The following FGF14 variants were observed in gnomAD, a reference collection of about 807,000 sequenced individuals.
The protein encoded by FGF14 is fibroblast growth factor homologous factor 4.
In FGF14, 5 loss-of-function variants were observed where a neutral mutation model predicts 25.5. The observed-to-expected ratio is 0.20, with a 90% CI of 0.10 to 0.41. The LOEUF (loss-of-function observed/expected upper bound fraction) is 0.41. Among genes scored for constraint, FGF14 ranks in the 10% least tolerant of loss-of-function variants. The probability of loss-of-function intolerance (pLI) is 1.00; values close to 1 mark genes in which losing one functional copy is unlikely to be tolerated. For synonymous variants in FGF14, 138 were observed against 118.3 expected, an observed-to-expected ratio of 1.17 and a Z score of -1.08; for missense variants, 222 against 320.1, an observed-to-expected ratio of 0.69 and a Z score of 2.34.
At chr13:101,861,468 T>C (rs1420221896) in intron 3 of FGF14, among the ~76,000 whole-genome samples, 2 of 152,240 alleles carry the variant, frequency 1.3e-5, no homozygotes, top group Non-Finnish European at 2.9e-5. Context: ...AACCATGAAG[T>C]TCTTTCCACA....
chr13:102,032,662 GAC>G (rs1478536030), intron 1 of FGF14, among the ~76,000 whole-genome samples: 4 of 152,132 alleles, frequency 2.6e-5, no homozygotes, highest in Non-Finnish European at 5.9e-5. Flanking sequence ...ATATCAGTGT[GAC>G]ACAGTTTGGG....
At chr13:101,946,820 T>C (rs540772401) in intron 1 of FGF14, among the ~76,000 whole-genome samples, 13 of 152,340 alleles carry the variant, frequency 8.5e-5, no homozygotes, top group Admixed American at 2.6e-4. Flanking sequence ...ATAAATTCAA[T>C]GGAGGCTTGT....
rs894880843 is a variant in FGF14, at chr13:102,400,076, C to G, written c.208+1395G>C. On this transcript the variant is annotated intron_variant, in intron 1 of 4. Coordinates refer to the FGF14 transcript ENST00000376131. This position sits in a 1 kb window ranked among gnomAD's most constrained non-coding sequence, Gnocchi z 4.3. The stretch of plus-strand genomic sequence containing the variant: ...CCGCCCACCCGCACCTCCTCCTCCT[C>G]TGCCTCGCGCTGCACCCGCAGGCGG... 2.6e-4 allele frequency among the ~76,000 whole-genome samples: 40 copies of G among 150,982 alleles called. No individual in the cohort carries two copies. Among genetic ancestry groups the G allele is most frequent in the African/African-American group, 8.5e-4 (35 of 41,380 alleles).
chr13:101,793,167 C>T (rs2140099595), intron 3 of FGF14, among the ~76,000 whole-genome samples: 1 of 152,190 alleles, frequency 6.6e-6, no homozygotes, highest in Non-Finnish European at 1.5e-5. Context: ...ATTATCATTT[C>T]CCCATTCCTT....
At chr13:101,953,256 A>G (rs1435932742) in intron 1 of FGF14, among the ~76,000 whole-genome samples, 2 of 152,102 alleles carry the variant, frequency 1.3e-5, no homozygotes, top group African/African-American at 4.8e-5. Flanking sequence ...CTGTGCACCA[A>G]CGGTTTTATA....
At chr13:102,044,832 T>C (rs2041908739) in intron 1 of FGF14, among the ~76,000 whole-genome samples, 1 of 152,130 alleles carries the variant, frequency 6.6e-6, no homozygotes, top group Admixed American at 6.6e-5. Context: ...CAGATGCATG[T>C]AGATCATTTA....
rs568090546 is a variant in FGF14, at chr13:102,173,136, T to C, written c.208+228335A>G. Reference sequence around the variant, plus strand: ...TATATTAACAACTTCTACAATTCCATAGCAAAAATAAAAAATAATAAACTG... The same window carrying C: ...TATATTAACAACTTCTACAATTCCACAGCAAAAATAAAAAATAATAAACTG... On this transcript the variant is annotated intron_variant, in intron 1 of 4. Transcript: ENST00000376131. 4.6e-5 allele frequency among the ~76,000 whole-genome samples: 7 copies of C among 152,084 alleles called. No individual in the cohort carries two copies. The East Asian group carries it at 7.7e-4, about 17-fold the overall frequency.
intron 3 of FGF14, among the ~76,000 whole-genome samples, chr13:101,771,488 A>G (rs533575079): frequency 1.5e-3 from 223 of 152,210 alleles, no homozygotes; most frequent in Non-Finnish European, 2.6e-3. Context: ...TTGAGTAGTA[A>G]GTCTGTGCAC....
At chr13:102,270,751 T>C (rs1387528930) in intron 1 of FGF14, among the ~76,000 whole-genome samples, 4 of 152,156 alleles carry the variant, frequency 2.6e-5, no homozygotes, top group African/African-American at 9.6e-5. Flanking sequence ...CTGTTTGTCA[T>C]TTATTTGTTT....
intron 1 of FGF14, among the ~76,000 whole-genome samples, chr13:102,158,507 C>T (rs2047459022): frequency 8.0e-6 from 1 of 124,296 alleles, no homozygotes; most frequent in Admixed American, 9.4e-5. Context: ...ACATCACACA[C>T]TGGGGCCTGT....
chr13:102,161,640 G>GTC (rs1566764989), intron 1 of FGF14, among the ~76,000 whole-genome samples: 447 of 10,230 alleles, frequency 0.044, 61 homozygotes, highest in African/African-American at 0.15. Flanking sequence ...AGAAGAAGAA[G>GTC]AAGAAGAAGA....
intron 1 of FGF14, among the ~76,000 whole-genome samples, chr13:102,314,965 CAT>C (rs909504771): frequency 1.3e-4 from 19 of 148,624 alleles, no homozygotes; most frequent in South Asian, 4.2e-4. Context: ...TATTATATAA[CAT>C]ATACATTATT....
At chr13:101,972,044 T>G (rs1337510104) in intron 1 of FGF14, among the ~76,000 whole-genome samples, 1 of 152,246 alleles carries the variant, frequency 6.6e-6, no homozygotes, top group African/African-American at 2.4e-5. Context: ...ATACTGGGAA[T>G]ACATTGAATT....
At chr13:101,972,959 C>T (rs952704273) in intron 1 of FGF14, among the ~76,000 whole-genome samples, 2 of 152,130 alleles carry the variant, frequency 1.3e-5, no homozygotes, top group Non-Finnish European at 2.9e-5. Context: ...AATTGACAAA[C>T]AGGAGGTCTG....
chr13:101,770,476 G>T (rs2038702284), intron 3 of FGF14, among the ~76,000 whole-genome samples: 1 of 151,966 alleles, frequency 6.6e-6, no homozygotes, highest in South Asian at 2.1e-4. Flanking sequence ...AATAAATATT[G>T]CACTAAAAAA....
At chr13:101,886,242 C>T (rs78366543) in intron 1 of FGF14, among the ~76,000 whole-genome samples, 2,584 of 152,154 alleles carry the variant, frequency 0.017, 79 homozygotes, top group African/African-American at 0.059. Flanking sequence ...TATAAAAATG[C>T]TTGCTATGAA....
At chr13:102,334,239 C>T (rs1594880332) in intron 1 of FGF14, among the ~76,000 whole-genome samples, 1 of 152,238 alleles carries the variant, frequency 6.6e-6, no homozygotes, top group East Asian at 1.9e-4. Context: ...TTTCCCTAGG[C>T]AAATGTTAAG....
At chr13:102,147,657 A>G (rs942420391) in intron 1 of FGF14, among the ~76,000 whole-genome samples, 1 of 152,184 alleles carries the variant, frequency 6.6e-6, no homozygotes, top group Admixed American at 6.5e-5. Flanking sequence ...GACCTTTGAA[A>G]TGCAAATATT....
intron 1 of FGF14, among the ~76,000 whole-genome samples, chr13:102,005,941 T>G (rs893683638): frequency 6.6e-6 from 1 of 152,198 alleles, no homozygotes; most frequent in Non-Finnish European, 1.5e-5. Context: ...CTTGCAATTA[T>G]GTAGGGTGTT....
Sources: gnomAD v4.1 joint callset for allele counts (sites outside exome capture counted in the v4.1 genomes callset) on GRCh38, gnomAD v4.1.1 for gene constraint, Gnocchi (gnomAD v3.1) non-coding constraint, MANE v1.5 for transcripts, NCBI Gene and HGNC (gene_info 2026-07-23, HGNC 2026-07-21) for gene names.